ITGAV: variants seen among roughly 807,000 people sequenced by gnomAD.
The protein encoded by ITGAV is integrin subunit alpha V, also known as integrin alpha-V.
A neutral mutation model predicts 143.8 loss-of-function variants in ITGAV; 76 were observed. That is an observed-to-expected ratio of 0.53 (90% CI 0.44 to 0.64). ITGAV has a LOEUF of 0.64. ITGAV is among the 30% of genes least tolerant of loss of function. ITGAV has a pLI of 0.00. For missense variants in ITGAV, 1,193 were observed against 1,274.7 expected (o/e 0.94, Z 0.98); for synonymous variants, 453 against 446.7 (o/e 1.01, Z -0.18).
In ITGAV at chr2:186,621,529, G is replaced by GA. The variant is rs1268736476; in HGVS notation, c.317-802dup. ...TCCCAATAAAGTCCTTTGTAACTTTGAAAAAAAATTGTCTGGACATAAAAT... is the reference window on the plus strand; with the variant it reads ...TCCCAATAAAGTCCTTTGTAACTTTGAAAAAAAAATTGTCTGGACATAAAAT... On this transcript the variant is annotated intron_variant, in intron 2 of 29. Coordinates refer to ENST00000261023, the MANE Select transcript of ITGAV (RefSeq NM_002210.5). 4.0e-5 allele frequency among the ~76,000 whole-genome samples: 6 copies of GA among 151,720 alleles called. No individual in the cohort carries two copies. In the South Asian group the frequency reaches 6.3e-4, roughly 16 times the overall value.
rs1342721961 is a variant in ITGAV at position 186,601,575 on chromosome 2, TA to T, written c.186-445del. Among the ~76,000 whole-genome samples, 317 of 152,126 alleles carry T rather than the reference TA, an allele frequency of 2.1e-3. 1 individual carries two copies. Among genetic ancestry groups the T allele is most frequent in the African/African-American group, 6.8e-3 (284 of 41,472 alleles). ...ATACTTTGGAATAATTTACTTAGAA[TA>T]TTTTTTTTTTTGCTCAACATTCAGA... On this transcript the variant is annotated intron_variant, in intron 1 of 29. Transcript: ENST00000261023.
At chr2:186,627,765 C>T (rs908410990) in intron 4 of ITGAV, among the ~76,000 whole-genome samples, 3 of 152,054 alleles carry the variant, frequency 2.0e-5, no homozygotes, top group African/African-American at 7.2e-5. Flanking sequence ...ATTTACTGTT[C>T]GGCTTTTTAC....
In ITGAV at chr2:186,652,137, G is replaced by A. The variant is rs773484747; in HGVS notation, c.1505+48G>A. On this transcript the variant is annotated intron_variant, in intron 15 of 29. Coordinates refer to ENST00000261023, the MANE Select transcript of ITGAV (RefSeq NM_002210.5). ...AGTTATTATTGTGATTATTGTTCAG[G>A]CATTGTAAGAACAATTGAAAATGAA... is the stretch of plus-strand genomic sequence containing the variant. The A allele has an allele frequency of 1.5e-5, 17 of 1,152,760 alleles. No individual in the cohort carries two copies. The Admixed American group carries it at 2.6e-4, about 17-fold the overall frequency. The allele number at this position is 1,152,760 out of a possible 1,614,324, so 71.4% of individuals were successfully genotyped here.
At chr2:186,637,309 C>T (rs966177872) in intron 8 of ITGAV, among the ~76,000 whole-genome samples, 200 bp downstream of exon 8, 6 of 151,734 alleles carry the variant, frequency 4.0e-5, no homozygotes, top group African/African-American at 1.5e-4. Context: ...TGGCAAAACC[C>T]TGCCTCTAGA....
At chr2:186,596,732 A>G (rs1365634532) in intron 1 of ITGAV, among the ~76,000 whole-genome samples, 1 of 152,050 alleles carries the variant, frequency 6.6e-6, no homozygotes, top group Non-Finnish European at 1.5e-5. Flanking sequence ...TTTTTTATAT[A>G]GCATCTTTTA....
chr2:186,671,940 T>C (rs76125850), intron 26 of ITGAV, among the ~76,000 whole-genome samples: 111 of 130,010 alleles, frequency 8.5e-4, no homozygotes, highest in African/African-American at 3.0e-3. Context: ...TGTGCCTTAG[T>C]ACTCCTTTTT....
intron 2 of ITGAV, among the ~76,000 whole-genome samples, chr2:186,609,929 G>A (rs1687168575): frequency 6.6e-6 from 1 of 151,944 alleles, no homozygotes; most frequent in Non-Finnish European, 1.5e-5. Flanking sequence ...ATACTCTAAA[G>A]GTCTAGCCAA....
chr2:186,616,195 T>C (rs1046068610), intron 2 of ITGAV, among the ~76,000 whole-genome samples: 2 of 152,128 alleles, frequency 1.3e-5, no homozygotes, highest in African/African-American at 2.4e-5. Context: ...AATATATCAC[T>C]GTTGACTATT....
At chr2:186,604,858 G>A (rs1233093884) in intron 2 of ITGAV, among the ~76,000 whole-genome samples, 3 of 152,104 alleles carry the variant, frequency 2.0e-5, no homozygotes, top group Non-Finnish European at 4.4e-5. Flanking sequence ...CATCCTTTCA[G>A]TGTTTAGGCC....
intron 2 of ITGAV, among the ~76,000 whole-genome samples, chr2:186,614,614 G>T (rs914473042): frequency 4.0e-5 from 6 of 151,784 alleles, no homozygotes; most frequent in African/African-American, 1.5e-4. Context: ...GTCATTTCTG[G>T]TAAGCTTGAG....
At chr2:186,655,603 G>A (rs17406098) in intron 16 of ITGAV, among the ~76,000 whole-genome samples, 14 of 152,236 alleles carry the variant, frequency 9.2e-5, no homozygotes, top group Middle Eastern at 3.4e-3. Flanking sequence ...CTTGCGACGC[G>A]AATTCTGGTT....
intron 16 of ITGAV, 64 bp downstream of exon 16, chr2:186,654,772 T>C: frequency 2.9e-6 from 2 of 685,486 alleles, no homozygotes; most frequent in East Asian, 5.2e-5. Context: ...TTAAAAAATA[T>C]TTTAAGATAT....
chr2:186,626,465 T>C (rs1687678701), intron 4 of ITGAV, among the ~76,000 whole-genome samples: 1 of 152,194 alleles, frequency 6.6e-6, no homozygotes, highest in Non-Finnish European at 1.5e-5. Flanking sequence ...GCCATTATTT[T>C]TTGTGTTCCA....
At chr2:186,593,432 T>G (rs1415970583) in intron 1 of ITGAV, among the ~76,000 whole-genome samples, 4 of 147,946 alleles carry the variant, frequency 2.7e-5, no homozygotes, top group Non-Finnish European at 6.0e-5. Flanking sequence ...ATAGTGATTT[T>G]CAAAATTATG....
chr2:186,672,538 G>C (rs1275586478), intron 26 of ITGAV, among the ~76,000 whole-genome samples: 1 of 152,176 alleles, frequency 6.6e-6, no homozygotes, highest in Non-Finnish European at 1.5e-5. Context: ...ATCCCAACCA[G>C]CAATATATGA....
intron 26 of ITGAV, among the ~76,000 whole-genome samples, chr2:186,673,930 G>A (rs111681518): frequency 6.6e-6 from 1 of 151,928 alleles, no homozygotes; most frequent in Admixed American, 6.6e-5. Flanking sequence ...TTGGCCTCCC[G>A]AAAGTTCTAG....
In ITGAV at chr2:186,673,802, G is replaced by A. The variant is rs139549611; in HGVS notation, c.2707-1802G>A. Among the ~76,000 whole-genome samples, 8 of 152,036 alleles carry A rather than the reference G, an allele frequency of 5.3e-5. No individual in the cohort carries two copies. The East Asian group carries it at 1.5e-3, about 29-fold the overall frequency. On this transcript the variant is annotated intron_variant, in intron 26 of 29. Coordinates refer to ENST00000261023, the MANE Select transcript of ITGAV (RefSeq NM_002210.5). ...TCTGCCTTGGCCTACCGAGTAGCTG[G>A]GATTACAGGTGCCCACGACCAGGAC...
At chr2:186,595,874 G>T (rs898690112) in intron 1 of ITGAV, among the ~76,000 whole-genome samples, 1 of 151,790 alleles carries the variant, frequency 6.6e-6, no homozygotes, top group Non-Finnish European at 1.5e-5. Context: ...TCCCCACCTC[G>T]CCACCATTGA....
intron 12 of ITGAV, among the ~76,000 whole-genome samples, chr2:186,644,196 G>A (rs1244844684): frequency 6.6e-6 from 1 of 152,080 alleles, no homozygotes; most frequent in African/African-American, 2.4e-5. Flanking sequence ...TGCCTGCCTC[G>A]GCCTCCAAAG....
Sources: gnomAD v4.1 joint callset for allele counts (sites outside exome capture counted in the v4.1 genomes callset) on GRCh38, gnomAD v4.1.1 for gene constraint, MANE v1.5 for transcripts, NCBI Gene and HGNC (gene_info 2026-07-23, HGNC 2026-07-21) for gene names.